Variants in CEP350 observed in about 807,000 individuals in gnomAD.
CEP350 encodes the protein centrosome-associated protein 350.
In CEP350, 126 loss-of-function variants were observed where a neutral mutation model predicts 331.8. The observed-to-expected ratio is 0.38, with a 90% CI of 0.33 to 0.44. CEP350 has a LOEUF of 0.44. CEP350 is among the 20% of genes least tolerant of loss of function. CEP350 has a pLI of 1.00. For missense variants in CEP350, 3,406 were observed against 3,634.6 expected (o/e 0.94, Z 1.62); for synonymous variants, 1,200 against 1,259.5 (o/e 0.95, Z 1.00).
chr1:180,018,847 CTCTT>C (rs1558103924), intron 11 of CEP350, among the ~76,000 whole-genome samples: 1 of 132,070 alleles, frequency 7.6e-6, no homozygotes, highest in African/African-American at 2.6e-5. Flanking sequence ...TGTTCGTCTT[CTCTT>C]TCTTTCTTTT....
rs1165705560 is a variant in CEP350 at position 180,096,099 on chromosome 1, A to T, written c.8981A>T (p.Asn2994Ile). The change falls in exon 36 of 38, where the codon AAT (asparagine) becomes ATT (isoleucine). Residue 2994 changes from asparagine to isoleucine, a missense_variant. This residue lies in a region of CEP350 where 1,415 missense variants were observed against 1,512.3 expected (regional missense o/e 0.94). Transcript: ENST00000367607. The part of the protein sequence containing the change: ...EEIFAEDPNL[N>I]QPVWMKPCRI... ...ATATTTGCTGAGGATCCCAACTTAA[A>T]TCAACCTGTCTGGATGAAGCCATGT... 1.3e-6 allele frequency: 2 copies of T among 1,558,622 alleles called. No individual in the cohort carries two copies. Among genetic ancestry groups the T allele is most frequent in the African/African-American group, 1.4e-5 (1 of 73,612 alleles).
chr1:180,048,527 C>T lies in CEP350; in HGVS notation c.4623-9C>T. 6.4e-7 allele frequency: 1 copy of T among 1,572,370 alleles called. No homozygotes were observed. Among genetic ancestry groups the T allele is most frequent in the Non-Finnish European group, 8.7e-7 (1 of 1,152,452 alleles). ...TTTGTTGTTGTTGTTTCCATGTATCCATAAAAAGAAGTAGCAGTGGTAGCA... is the reference window on the plus strand; with the variant it reads ...TTTGTTGTTGTTGTTTCCATGTATCTATAAAAAGAAGTAGCAGTGGTAGCA... On this transcript the variant is annotated splice_polypyrimidine_tract_variant and intron_variant, in intron 21 of 37. Coordinates refer to ENST00000367607, the MANE Select transcript of CEP350 (RefSeq NM_014810.5).
Position 180,003,210 on chromosome 1 carries a change from A to G in CEP350, c.1055A>G (p.Asp352Gly). The change falls in exon 7 of 38, where the codon GAT becomes GGT. Residue 352 changes from aspartate to glycine, a missense_variant. Around this residue, in one of 5 missense-constraint regions of CEP350, gnomAD observed 1,857 missense variants for 1,909.2 expected, o/e 0.97. Coordinates refer to ENST00000367607, the MANE Select transcript of CEP350 (RefSeq NM_014810.5). ...NPSETKIRTP[D>G]GKVWQEAEFQ... Reference sequence around the variant, plus strand: ...TCAGAGACCAAGATTCGAACACCTGATGGGAAAGTGTGGCAGGAGGCTGAG... The same window carrying G: ...TCAGAGACCAAGATTCGAACACCTGGTGGGAAAGTGTGGCAGGAGGCTGAG... The G allele has an allele frequency of 6.2e-7, 1 of 1,613,422 alleles. No individual in the cohort carries two copies. The highest frequency in any genetic ancestry group is 8.5e-7 in the Non-Finnish European group (1 of 1,179,608).
intron 1 of CEP350, among the ~76,000 whole-genome samples, chr1:179,974,645 A>AT (rs1651715410): frequency 6.6e-6 from 1 of 152,230 alleles, no homozygotes; most frequent in South Asian, 2.1e-4. Context: ...GAATGAATGA[A>AT]TTATGTATGA....
At chr1:179,978,252 TAAAAA>T (rs892456574) in intron 1 of CEP350, among the ~76,000 whole-genome samples, 1 of 151,588 alleles carries the variant, frequency 6.6e-6, no homozygotes, top group African/African-American at 2.4e-5. Flanking sequence ...TCTTTTAAAT[TAAAAA>T]AAAATTTAAA....
intron 1 of CEP350, among the ~76,000 whole-genome samples, chr1:179,968,167 C>T (rs1651157902): frequency 2.6e-5 from 4 of 151,996 alleles, no homozygotes; most frequent in Admixed American, 2.6e-4. Context: ...CCCATCTCTA[C>T]TAAAAATATA....
intron 3 of CEP350, 95 bp from the exon 4 acceptor site, chr1:179,990,412 A>G (rs755338227): frequency 6.0e-5 from 31 of 519,306 alleles, no homozygotes; most frequent in Non-Finnish European, 9.0e-5. Flanking sequence ...GGAAAAAGGT[A>G]TTGGGCAATA....
Position 180,093,914 on chromosome 1 carries a change from C to G in CEP350, c.7809C>G (p.Asp2603Glu), listed in dbSNP as rs750170918. ...AAAATGATACAGAGGGTCCAAAAGA[C>G]AGAGAAAAGGATGTCAGTGAATATT... is the stretch of plus-strand genomic sequence containing the variant. ...QEQNDTEGPK[D>E]REKDVSEYFY... Residue 2603 changes from aspartate (D) to glutamate (E), a missense_variant, in exon 34 of 38, where the codon GAC (aspartate) becomes GAG (glutamate). This residue lies in a region of CEP350 where 1,415 missense variants were observed against 1,512.3 expected (regional missense o/e 0.94). Transcript: ENST00000367607. 2.3e-5 allele frequency: 37 copies of G among 1,613,630 alleles called. No individual in the cohort carries two copies. Among genetic ancestry groups the G allele is most frequent in the Non-Finnish European group, 2.1e-5 (25 of 1,179,828 alleles).
chr1:180,048,729 T>C, intron 22 of CEP350, 24 bp downstream of exon 22: 1 of 1,558,486 alleles, frequency 6.4e-7, no homozygotes, highest in Non-Finnish European at 8.8e-7. Flanking sequence ...CAAATAAATG[T>C]GTAATCATTT....
intron 22 of CEP350, among the ~76,000 whole-genome samples, chr1:180,051,625 A>T (rs1026507448): frequency 1.3e-5 from 2 of 152,236 alleles, no homozygotes; most frequent in Non-Finnish European, 2.9e-5. Context: ...AATCATGCAT[A>T]CACACACATT....
At position 180,034,101 on chromosome 1, in the gene CEP350, T is replaced by C. The variant is rs755567287; in HGVS notation, c.3946+19T>C. On this transcript the variant is annotated intron_variant, in intron 16 of 37. Transcript: ENST00000367607. ...ATACCAGGTAAGTAGATTCATGCAA[T>C]TGTAATTTTTAGAATACGATATGAA... is the stretch of plus-strand genomic sequence containing the variant. 4.4e-5 allele frequency: 70 copies of C among 1,599,674 alleles called. 2 individuals carry two copies. The South Asian group carries it at 6.3e-4, about 14-fold the overall frequency.
chr1:180,030,303 A>ATGTGTATATATGTATATATATACATATG (rs1470720801), intron 14 of CEP350, among the ~76,000 whole-genome samples: 52 of 145,592 alleles, frequency 3.6e-4, no homozygotes, highest in Non-Finnish European at 6.5e-4. Flanking sequence ...ATAAGTATAT[A>ATGTGTATATATGTATATATATACATATG]TGTGTATATA....
At chr1:180,035,036 C>T (rs1295803164) in intron 16 of CEP350, among the ~76,000 whole-genome samples, 2 of 152,116 alleles carry the variant, frequency 1.3e-5, no homozygotes, top group Non-Finnish European at 2.9e-5. Flanking sequence ...TGAAAGGTAT[C>T]ACATGAATGA....
intron 25 of CEP350, among the ~76,000 whole-genome samples, chr1:180,056,209 C>A (rs1657829679): frequency 6.6e-6 from 1 of 152,114 alleles, no homozygotes; most frequent in Non-Finnish European, 1.5e-5. Flanking sequence ...TCTTTCAGCA[C>A]TTCTAAAGAT....
chr1:180,110,421 C>T (rs371165950), intron 37 of CEP350, among the ~76,000 whole-genome samples: 6 of 152,214 alleles, frequency 3.9e-5, no homozygotes, highest in Non-Finnish European at 5.9e-5. Flanking sequence ...GCCACACCAT[C>T]ATGAGGGTAA....
chr1:180,009,583 A>C (rs936219912), intron 8 of CEP350, among the ~76,000 whole-genome samples: 1 of 152,184 alleles, frequency 6.6e-6, no homozygotes, highest in Non-Finnish European at 1.5e-5. Flanking sequence ...TGTTCCAGAA[A>C]GTTAGAATTT....
At position 180,094,342 on chromosome 1, in the gene CEP350, A is replaced by T. The variant is rs1660361013; in HGVS notation, c.8237A>T (p.Gln2746Leu). The T allele has an allele frequency of 1.9e-6, 3 of 1,613,978 alleles. No homozygotes were observed. Among genetic ancestry groups the T allele is most frequent in the Non-Finnish European group, 2.5e-6 (3 of 1,179,876 alleles). The change falls in exon 34 of 38, where the codon CAA becomes CTA. Residue 2746 changes from glutamine to leucine, a missense_variant. By Grantham distance (113) the Gln-to-Leu change is moderately radical. This residue lies in a region of CEP350 where 1,415 missense variants were observed against 1,512.3 expected (regional missense o/e 0.94). Coordinates refer to ENST00000367607, the MANE Select transcript of CEP350 (RefSeq NM_014810.5). ...CTAAATGAGGAAAAAAAGTCAAAAC[A>T]ACAACTGGAAAAAATCAGCTTACTG... ...SSLNEEKKSK[Q>L]QLEKISLLTD...
At chr1:180,104,044 A>ATTT in intron 37 of CEP350, among the ~76,000 whole-genome samples, 1 of 139,172 alleles carries the variant, frequency 7.2e-6, no homozygotes, top group Non-Finnish European at 1.5e-5. Context: ...TACAAAATAT[A>ATTT]TACAAATATA....
At chr1:180,060,414 C>G (rs534927505) in intron 25 of CEP350, among the ~76,000 whole-genome samples, 5 of 152,240 alleles carry the variant, frequency 3.3e-5, no homozygotes, top group African/African-American at 1.2e-4. Context: ...TTTGGGAGGC[C>G]AAAGACAGAT....
Sources: allele counts gnomAD v4.1 joint callset (sites outside exome capture counted in the v4.1 genomes callset), GRCh38; gene constraint gnomAD v4.1.1; regional missense constraint gnomAD v4.1.1; transcripts MANE v1.5; gene names NCBI Gene and HGNC (gene_info 2026-07-23, HGNC 2026-07-21).